OPCML: variants seen among roughly 807,000 people sequenced by gnomAD.
OPCML encodes the protein opioid binding protein/cell adhesion molecule like.
A neutral mutation model predicts 37.8 loss-of-function variants in OPCML; 13 were observed. The ratio of observed to expected loss-of-function variants is 0.34; its 90% CI spans 0.22 to 0.55. The LOEUF (loss-of-function observed/expected upper bound fraction) is 0.55. Among genes scored for constraint, OPCML ranks in the 20% least tolerant of loss-of-function variants. The probability of loss-of-function intolerance (pLI) is 0.91; values close to 1 mark genes in which losing one functional copy is unlikely to be tolerated. For synonymous variants in OPCML, 176 were observed against 168.8 expected (o/e 1.04, Z -0.33); for missense variants, 341 against 435.6 (o/e 0.78, Z 1.93).
chr11:132,751,479 T>C (rs531409271), intron 2 of OPCML, among the ~76,000 whole-genome samples: 6 of 152,350 alleles, frequency 3.9e-5, no homozygotes, highest in African/African-American at 1.4e-4. Flanking sequence ...ATTCATTGTC[T>C]TTGTACTGGT....
intron 2 of OPCML, among the ~76,000 whole-genome samples, chr11:132,845,543 G>A (rs1253434849): frequency 6.6e-6 from 1 of 152,148 alleles, no homozygotes; most frequent in East Asian, 1.9e-4. Flanking sequence ...GGGATTAGCT[G>A]GCAGGATCCT....
At chr11:132,998,057 T>C (rs1420385125) in intron 1 of OPCML, among the ~76,000 whole-genome samples, 1 of 152,194 alleles carries the variant, frequency 6.6e-6, no homozygotes, top group East Asian at 1.9e-4. Flanking sequence ...AGTTCCGCCA[T>C]CTGATTGGAA....
rs141861800 is a variant in OPCML, at chr11:132,697,286, G to A, written c.147-39967C>T. ...AATTACCTTCTTTTTTTCTGGATAT[G>A]GGAAGAGCATTTAAGAGATCTTCTA... On this transcript the variant is annotated intron_variant, in intron 2 of 7. Coordinates refer to ENST00000524381, the MANE Select transcript of OPCML (RefSeq NM_001012393.5). Among the ~76,000 whole-genome samples the A allele has an allele frequency of 8.2e-4, 125 of 152,086 alleles. 2 individuals are homozygous for A. The highest frequency in any genetic ancestry group is 2.8e-3 in the African/African-American group (116 of 41,486).
At chr11:132,886,436 C>T (rs1943419624) in intron 2 of OPCML, among the ~76,000 whole-genome samples, 1 of 152,194 alleles carries the variant, frequency 6.6e-6, no homozygotes, top group Non-Finnish European at 1.5e-5. Context: ...GCAGTGTGCA[C>T]AATGGCTTCT....
intron 3 of OPCML, among the ~76,000 whole-genome samples, chr11:132,605,995 G>C (rs1474379286): frequency 6.6e-6 from 1 of 152,140 alleles, no homozygotes; most frequent in Non-Finnish European, 1.5e-5. Context: ...GAATACTTTT[G>C]AGTTACCCTT....
chr11:132,813,315 G>A lies in OPCML; in HGVS notation c.146+129611C>T, dbSNP rs189889964. Among the ~76,000 whole-genome samples, 164 of 152,240 alleles carry A rather than the reference G, an allele frequency of 1.1e-3. 1 individual carries two copies. Among genetic ancestry groups the A allele is most frequent in the African/African-American group, 3.6e-3 (149 of 41,542 alleles). ...CATTACTGAAGTCAGTCTTTACAGC[G>A]ATAATTAGAAGTCTCAACATATTTT... On this transcript the variant is annotated intron_variant, in intron 2 of 7. Coordinates refer to ENST00000524381, the MANE Select transcript of OPCML (RefSeq NM_001012393.5).
At chr11:133,484,164 G>A (rs12798017) in intron 1 of OPCML, among the ~76,000 whole-genome samples, 39,154 of 138,118 alleles carry the variant, frequency 0.28, 6,755 homozygotes, top group African/African-American at 0.56. Flanking sequence ...AGATAGATAG[G>A]TAGATAGATA....
chr11:132,456,013 G>A (rs1246415150), intron 4 of OPCML, among the ~76,000 whole-genome samples: 1 of 152,096 alleles, frequency 6.6e-6, no homozygotes, highest in Non-Finnish European at 1.5e-5. Flanking sequence ...GCTATTTTGG[G>A]GTTGGGGTAG....
rs146691665 is a variant in OPCML, at chr11:132,634,867, T to A, written c.379+22220A>T. On this transcript the variant is annotated intron_variant, in intron 3 of 7. Coordinates refer to ENST00000524381, the MANE Select transcript of OPCML (RefSeq NM_001012393.5). Reference sequence around the variant, plus strand: ...TATCACCCAACTTGTTAGGGAGGATTAACTGGGCCGATACACTCAGGACTA... The same window carrying A: ...TATCACCCAACTTGTTAGGGAGGATAAACTGGGCCGATACACTCAGGACTA... Among the ~76,000 whole-genome samples the A allele has an allele frequency of 2.6e-3, 398 of 151,926 alleles. 3 individuals are homozygous for A. The highest frequency in any genetic ancestry group is 9.1e-3 in the African/African-American group (376 of 41,404).
chr11:133,185,752 C>G (rs1938042858), intron 1 of OPCML, among the ~76,000 whole-genome samples: 1 of 152,152 alleles, frequency 6.6e-6, no homozygotes, highest in Admixed American at 6.6e-5. Flanking sequence ...GGTGGGTCTG[C>G]AATCAATTTA....
intron 3 of OPCML, among the ~76,000 whole-genome samples, chr11:132,634,609 T>G (rs11824078): frequency 0.19 from 28,806 of 152,050 alleles, 2,893 homozygotes; most frequent in African/African-American, 0.25. Flanking sequence ...CTTCCTCATC[T>G]CTAAAGATGG....
intron 1 of OPCML, among the ~76,000 whole-genome samples, chr11:133,333,010 C>T (rs1440230995): frequency 2.0e-5 from 3 of 152,138 alleles, no homozygotes; most frequent in African/African-American, 7.2e-5. Context: ...AGCAGCATAT[C>T]CACAACTATC....
chr11:133,138,620 A>G (rs1338405797), intron 1 of OPCML, among the ~76,000 whole-genome samples: 3 of 152,156 alleles, frequency 2.0e-5, no homozygotes, highest in African/African-American at 4.8e-5. Flanking sequence ...AGCCATTCCC[A>G]TTATCCTCTT....
intron 2 of OPCML, among the ~76,000 whole-genome samples, chr11:132,698,700 AT>A (rs1291870023): frequency 6.6e-6 from 1 of 152,232 alleles, no homozygotes; most frequent in African/African-American, 2.4e-5. Flanking sequence ...TCCAAAAATC[AT>A]TGCCCAGACC....
At chr11:133,384,486 C>A (rs940554616) in intron 1 of OPCML, among the ~76,000 whole-genome samples, 2 of 152,232 alleles carry the variant, frequency 1.3e-5, no homozygotes, top group Middle Eastern at 3.4e-3. Flanking sequence ...AAGGGCCAAC[C>A]CAACCAGATG....
At chr11:133,231,052 C>T (rs1050912502) in intron 1 of OPCML, among the ~76,000 whole-genome samples, 5 of 152,240 alleles carry the variant, frequency 3.3e-5, no homozygotes, top group East Asian at 3.9e-4. Context: ...TCAAATTCCC[C>T]GCTAGCAGCA....
At chr11:132,503,022 T>C (rs535597570) in intron 4 of OPCML, among the ~76,000 whole-genome samples, 5 of 152,232 alleles carry the variant, frequency 3.3e-5, no homozygotes, top group Admixed American at 6.5e-5. Context: ...GGCTCAAAAA[T>C]GGTAGGTGAC....
intron 2 of OPCML, among the ~76,000 whole-genome samples, chr11:132,745,579 A>AG (rs1945594723): frequency 2.0e-3 from 235 of 120,190 alleles, no homozygotes; most frequent in African/African-American, 7.5e-3. Flanking sequence ...AAAAAAAAAA[A>AG]AAAAGAAAGA....
At chr11:132,751,968 A>G (rs142109655) in intron 2 of OPCML, among the ~76,000 whole-genome samples, 1,682 of 152,320 alleles carry the variant, frequency 0.011, 14 homozygotes, top group Non-Finnish European at 0.015. Flanking sequence ...CAGTGGGCAG[A>G]TTGGGAATTA....
Sources: gnomAD v4.1 joint callset for allele counts (sites outside exome capture counted in the v4.1 genomes callset) on GRCh38, gnomAD v4.1.1 for gene constraint, MANE v1.5 for transcripts, NCBI Gene and HGNC (gene_info 2026-07-23, HGNC 2026-07-21) for gene names.